Variants in HTR2C observed in about 807,000 individuals in gnomAD.
HTR2C encodes the protein 5-hydroxytryptamine receptor 2C.
HTR2C carries 5 observed loss-of-function variants against 21.0 expected under a neutral mutation model. That is an observed-to-expected ratio of 0.24 (90% CI 0.12 to 0.50). The LOEUF is 0.50. Among genes scored for constraint, HTR2C ranks in the 20% least tolerant of loss-of-function variants. HTR2C has a pLI of 0.98. For synonymous variants in HTR2C, 150 were observed against 145.3 expected, an observed-to-expected ratio of 1.03 and a Z score of -0.23; for missense variants, 271 against 371.2, an observed-to-expected ratio of 0.73 and a Z score of 2.22.
chrX:114,597,038 C>T (rs182064518), intron 1 of HTR2C, among the ~76,000 whole-genome samples: 135 of 109,384 alleles, frequency 1.2e-3, no homozygotes, highest in Middle Eastern at 9.5e-3. Flanking sequence ...GCCTACATGG[C>T]GAAACCCCAT....
At chrX:114,642,207 C>T (rs1272163690) in intron 2 of HTR2C, among the ~76,000 whole-genome samples, 3 of 111,855 alleles carry the variant, frequency 2.7e-5, no homozygotes, top group African/African-American at 6.5e-5. Flanking sequence ...AGTGAACATA[C>T]GTAAGCATGT....
chrX:114,897,146 T>G (rs1447568498), intron 5 of HTR2C, among the ~76,000 whole-genome samples: 2 of 112,253 alleles, frequency 1.8e-5, no homozygotes, highest in Non-Finnish European at 3.8e-5. Flanking sequence ...ATGTATAATT[T>G]GATTTTTCAA....
intron 4 of HTR2C, among the ~76,000 whole-genome samples, chrX:114,844,589 A>G (rs1287393856): frequency 8.9e-6 from 1 of 112,209 alleles, no homozygotes; most frequent in African/African-American, 3.2e-5. Context: ...ATAAAAATAC[A>G]TGATCCAATT....
intron 5 of HTR2C, among the ~76,000 whole-genome samples, chrX:114,893,274 A>G (rs1268486529): frequency 9.0e-6 from 1 of 111,302 alleles, no homozygotes; most frequent in Non-Finnish European, 1.9e-5. Flanking sequence ...ATTTTGAAAA[A>G]AAATCTAGGA....
intron 4 of HTR2C, among the ~76,000 whole-genome samples, chrX:114,816,832 A>G (rs1556454669): frequency 9.0e-6 from 1 of 110,841 alleles, no homozygotes; most frequent in Non-Finnish European, 1.9e-5. Context: ...TCTCACATAT[A>G]AAAGTAAATT....
rs188902246 is a variant in HTR2C, at chrX:114,825,037, G to T, written c.350-22966G>T. ...TTAATTCTTAGTCGATCTGTTGAGA[G>T]GTTTATCAGTTTTATTGATCTATTC... On this transcript the variant is annotated intron_variant, in intron 4 of 5. Coordinates refer to ENST00000276198, the MANE Select transcript of HTR2C (RefSeq NM_000868.4). Among the ~76,000 whole-genome samples, 771 of 111,458 alleles carry T rather than the reference G, an allele frequency of 6.9e-3. 5 individuals carry two copies. The highest frequency in any genetic ancestry group is 0.024 in the African/African-American group (742 of 30,736).
At chrX:114,849,152 G>T (rs1360167051) in intron 5 of HTR2C, among the ~76,000 whole-genome samples, 1 of 111,993 alleles carries the variant, frequency 8.9e-6, no homozygotes, top group South Asian at 3.7e-4. Context: ...ATAAAAAGTC[G>T]TGAAGCTTGT....
chrX:114,771,372 C>T (rs1363198903), intron 4 of HTR2C, among the ~76,000 whole-genome samples: 1 of 110,463 alleles, frequency 9.1e-6, no homozygotes, highest in Non-Finnish European at 1.9e-5. Flanking sequence ...TAAGAGTTGC[C>T]CCTGAATCAG....
chrX:114,585,768 C>T (rs1190450845), intron 1 of HTR2C, among the ~76,000 whole-genome samples: 1 of 111,094 alleles, frequency 9.0e-6, no homozygotes, highest in African/African-American at 3.3e-5. Flanking sequence ...GCCAGTACCG[C>T]GCAGCTTCTT....
chrX:114,903,169 A>G (rs2147538204), intron 5 of HTR2C, among the ~76,000 whole-genome samples: 1 of 111,656 alleles, frequency 9.0e-6, no homozygotes, highest in East Asian at 2.8e-4. Flanking sequence ...TGAATAAGAC[A>G]GTGTACAACA....
At chrX:114,694,618 G>C (rs925415849) in intron 2 of HTR2C, among the ~76,000 whole-genome samples, 1 of 109,234 alleles carries the variant, frequency 9.2e-6, no homozygotes. Context: ...CTCCTGAGTA[G>C]AGTAGCTGGG....
At chrX:114,704,704 C>T (rs1251158801) in intron 2 of HTR2C, among the ~76,000 whole-genome samples, 4 of 111,157 alleles carry the variant, frequency 3.6e-5, no homozygotes, top group Non-Finnish European at 7.5e-5. Flanking sequence ...GAAGTGCTGG[C>T]CAGGCAATCA....
At chrX:114,668,261 C>A (rs58201625) in intron 2 of HTR2C, among the ~76,000 whole-genome samples, 1,287 of 111,543 alleles carry the variant, frequency 0.012, 14 homozygotes, top group African/African-American at 0.039. Context: ...AGCATAGATG[C>A]CTGATCTGTT....
chrX:114,728,059 G>T (rs1427443020), intron 3 of HTR2C, among the ~76,000 whole-genome samples: 2 of 112,028 alleles, frequency 1.8e-5, no homozygotes, highest in Admixed American at 9.5e-5. Flanking sequence ...ATTAATTAAA[G>T]AATTCATATA....
intron 1 of HTR2C, among the ~76,000 whole-genome samples, chrX:114,600,316 C>T (rs1202432316): frequency 1.8e-5 from 2 of 112,120 alleles, no homozygotes; most frequent in Non-Finnish European, 3.8e-5. Context: ...AATACTCATG[C>T]ACAACAACAT....
intron 5 of HTR2C, among the ~76,000 whole-genome samples, chrX:114,853,051 A>T (rs1450115893): frequency 9.0e-5 from 10 of 111,056 alleles, no homozygotes; most frequent in Non-Finnish European, 1.9e-4. Flanking sequence ...CTTGCTAATG[A>T]AGTTTATTTT....
chrX:114,719,945 A>C (rs1602714597), intron 2 of HTR2C, among the ~76,000 whole-genome samples: 1 of 111,874 alleles, frequency 8.9e-6, no homozygotes, highest in Non-Finnish European at 1.9e-5. Context: ...TTGAACCTTT[A>C]AAAATTATAC....
chrX:114,650,813 G>T (rs1411670343), intron 2 of HTR2C, among the ~76,000 whole-genome samples: 1 of 111,771 alleles, frequency 8.9e-6, no homozygotes, highest in Non-Finnish European at 1.9e-5. Context: ...CCATCCAGCT[G>T]CTCTATTGAA....
At chrX:114,780,937 A>G (rs1424964206) in intron 4 of HTR2C, among the ~76,000 whole-genome samples, 1 of 111,580 alleles carries the variant, frequency 9.0e-6, no homozygotes, top group Non-Finnish European at 1.9e-5. Flanking sequence ...CATTATTGCT[A>G]TCAATAAAGA....
Sources: allele counts gnomAD v4.1 joint callset (sites outside exome capture counted in the v4.1 genomes callset), GRCh38; gene constraint gnomAD v4.1.1; transcripts MANE v1.5; gene names NCBI Gene and HGNC (gene_info 2026-07-23, HGNC 2026-07-21).